C3orf70: variants seen among roughly 807,000 people sequenced by gnomAD.
The protein encoded by C3orf70 is chromosome 3 open reading frame 70.
In C3orf70, 15 loss-of-function variants were observed where a neutral mutation model predicts 20.7. The ratio of observed to expected loss-of-function variants is 0.72; its 90% CI spans 0.48 to 1.11. The LOEUF is 1.11. C3orf70 is among the 50% of genes most tolerant of loss of function. The pLI is 0.00. For missense variants in C3orf70, 332 were observed against 317.6 expected (o/e 1.05, Z -0.34); for synonymous variants, 161 against 125.7 (o/e 1.28, Z -1.88).
At chr3:185,115,530 G>C (rs906017738) in intron 1 of C3orf70, among the ~76,000 whole-genome samples, 1 of 152,142 alleles carries the variant, frequency 6.6e-6, no homozygotes, top group Admixed American at 6.5e-5. Flanking sequence ...TGGTCAAGGA[G>C]AGAGAGAATA....
intron 1 of C3orf70, among the ~76,000 whole-genome samples, chr3:185,133,212 T>C (rs988096858): frequency 5.3e-5 from 8 of 152,214 alleles, no homozygotes; most frequent in Non-Finnish European, 1.2e-4. Context: ...CATTCTTACA[T>C]GTTGCTGGTG....
intron 1 of C3orf70, among the ~76,000 whole-genome samples, chr3:185,086,026 A>G (rs1715451943): frequency 6.6e-6 from 1 of 152,218 alleles, no homozygotes; most frequent in Non-Finnish European, 1.5e-5. Context: ...TCCTGCCCTA[A>G]GTAACCTGTG....
At chr3:185,108,479 C>A (rs2108594968) in intron 1 of C3orf70, among the ~76,000 whole-genome samples, 1 of 152,346 alleles carries the variant, frequency 6.6e-6, no homozygotes, top group South Asian at 2.1e-4. Context: ...TACCCAATTG[C>A]AAACAGCAGT....
chr3:185,102,770 A>G (rs914658406), intron 1 of C3orf70, among the ~76,000 whole-genome samples: 1 of 152,200 alleles, frequency 6.6e-6, no homozygotes, highest in African/African-American at 2.4e-5. Flanking sequence ...CAACTATCTA[A>G]TCTTCTACAA....
chr3:185,129,645 C>T (rs1408689713), intron 1 of C3orf70, among the ~76,000 whole-genome samples: 1 of 152,196 alleles, frequency 6.6e-6, no homozygotes, highest in Non-Finnish European at 1.5e-5. Context: ...AGCTGCTTTC[C>T]ACAGTGACTG....
intron 1 of C3orf70, among the ~76,000 whole-genome samples, chr3:185,143,607 A>G (rs1205191540): frequency 6.6e-6 from 1 of 152,188 alleles, no homozygotes; most frequent in Non-Finnish European, 1.5e-5. Flanking sequence ...AGAAAATTGA[A>G]GTATAAGAGA....
chr3:185,092,554 G>T (rs1029075303), intron 1 of C3orf70, among the ~76,000 whole-genome samples: 1 of 152,136 alleles, frequency 6.6e-6, no homozygotes, highest in Non-Finnish European at 1.5e-5. Context: ...AAAACAGCAG[G>T]CAAAACAGAC....
At chr3:185,124,250 G>C (rs1255422405) in intron 1 of C3orf70, among the ~76,000 whole-genome samples, 1 of 152,114 alleles carries the variant, frequency 6.6e-6, no homozygotes, top group Non-Finnish European at 1.5e-5. Flanking sequence ...TCCCCCATAG[G>C]TACCAAGGAA....
At chr3:185,115,419 T>G (rs1365568374) in intron 1 of C3orf70, among the ~76,000 whole-genome samples, 5 of 152,146 alleles carry the variant, frequency 3.3e-5, no homozygotes, top group African/African-American at 9.7e-5. Flanking sequence ...TTGGGACCCA[T>G]TATGGAGAAG....
chr3:185,124,884 G>C (rs1054066600), intron 1 of C3orf70, among the ~76,000 whole-genome samples: 1 of 152,158 alleles, frequency 6.6e-6, no homozygotes, highest in Non-Finnish European at 1.5e-5. Flanking sequence ...AGATTATACA[G>C]ATGGCAAACC....
chr3:185,144,310 T>A (rs907297394), intron 1 of C3orf70, among the ~76,000 whole-genome samples: 1 of 152,096 alleles, frequency 6.6e-6, no homozygotes, highest in Non-Finnish European at 1.5e-5. Context: ...AACTATTAAG[T>A]AGGGAGAGCT....
In C3orf70 at chr3:185,093,129, G is replaced by A. The variant is rs148343290; in HGVS notation, c.197-9566C>T. 5.1e-3 allele frequency among the ~76,000 whole-genome samples: 784 copies of A among 152,246 alleles called. 8 individuals carry two copies. Among genetic ancestry groups the A allele is most frequent in the African/African-American group, 0.017 (724 of 41,556 alleles). On this transcript the variant is annotated intron_variant, in intron 1 of 1. Coordinates refer to ENST00000335012, the MANE Select transcript of C3orf70 (RefSeq NM_001025266.3). ...CAATCAAGCCACCAACCCCCTCCCA[G>A]TATCATGCTGATATCTGGATTTCAG...
chr3:185,125,421 AACAACAAC>A (rs754279240), intron 1 of C3orf70, among the ~76,000 whole-genome samples: 25 of 139,282 alleles, frequency 1.8e-4, no homozygotes, highest in Admixed American at 1.1e-3. Flanking sequence ...CAACAACAAC[AACAACAAC>A]AAAAACCAGT....
In C3orf70 at chr3:185,094,633, A is replaced by G. The variant is rs1715664272; in HGVS notation, c.197-11070T>C. On this transcript the variant is annotated intron_variant, in intron 1 of 1. Transcript: ENST00000335012. ...GTTGAGAGAGGCTCCTTTTACGGCC[A>G]GAGTTTTTAGAAACTTCTGGTAGAT... Among the ~76,000 whole-genome samples, 3 of 151,764 alleles carry G rather than the reference A, an allele frequency of 2.0e-5. No homozygotes were observed. The South Asian group carries it at 6.2e-4, about 32-fold the overall frequency.
chr3:185,105,866 G>A (rs1715925594), intron 1 of C3orf70, among the ~76,000 whole-genome samples: 1 of 152,164 alleles, frequency 6.6e-6, no homozygotes, highest in African/African-American at 2.4e-5. Context: ...GGGTAACAAT[G>A]GGATAAGTGT....
chr3:185,113,229 G>C (rs927964115), intron 1 of C3orf70, among the ~76,000 whole-genome samples: 1 of 148,898 alleles, frequency 6.7e-6, no homozygotes, highest in African/African-American at 2.5e-5. Context: ...CAGATCATGA[G>C]GTCAGGAGAT....
intron 1 of C3orf70, among the ~76,000 whole-genome samples, chr3:185,148,015 C>A (rs1175322160): frequency 6.6e-6 from 1 of 152,150 alleles, no homozygotes; most frequent in Non-Finnish European, 1.5e-5. Flanking sequence ...CTTCTCTAGC[C>A]ATCTCTTCTT....
chr3:185,140,548 C>T (rs759497295), intron 1 of C3orf70, among the ~76,000 whole-genome samples: 4 of 152,118 alleles, frequency 2.6e-5, no homozygotes, highest in African/African-American at 7.2e-5. Context: ...AAAATTCATA[C>T]GTTGAAATCC....
chr3:185,119,045 C>T (rs2072785331), intron 1 of C3orf70, among the ~76,000 whole-genome samples: 2 of 152,108 alleles, frequency 1.3e-5, no homozygotes, highest in Admixed American at 1.3e-4. Context: ...ATGATCTATC[C>T]CTTCAGAGTT....
Sources: allele counts gnomAD v4.1 joint callset (sites outside exome capture counted in the v4.1 genomes callset), GRCh38; gene constraint gnomAD v4.1.1; transcripts MANE v1.5; gene names NCBI Gene and HGNC (gene_info 2026-07-23, HGNC 2026-07-21).